Variants in KLRG1 observed in about 807,000 individuals in gnomAD.
The protein encoded by KLRG1 is killer cell lectin-like receptor subfamily G member 1.
In KLRG1, 16 loss-of-function variants were observed where a neutral mutation model predicts 21.8. That is an observed-to-expected ratio of 0.73 (90% CI 0.50 to 1.11). The LOEUF (loss-of-function observed/expected upper bound fraction) is 1.11. Among genes scored for constraint, KLRG1 ranks in the 50% most tolerant of loss-of-function variants. The pLI is 0.00. For missense variants in KLRG1, 173 were observed against 218.3 expected, an observed-to-expected ratio of 0.79 and a Z score of 1.31; for synonymous variants, 69 against 75.9, an observed-to-expected ratio of 0.91 and a Z score of 0.47.
the KLRG1 span, among the ~76,000 whole-genome samples, chr12:9,155,183 T>C: frequency 1.3e-5 from 2 of 152,228 alleles, no homozygotes; most frequent in African/African-American, 4.8e-5. Context: ...GACTAGAATA[T>C]AAAACTTAAC....
At chr12:9,047,257 T>C in the KLRG1 span, among the ~76,000 whole-genome samples, 1 of 152,198 alleles carries the variant, frequency 6.6e-6, no homozygotes, top group Non-Finnish European at 1.5e-5. Context: ...ATGTGAAAGG[T>C]GTGACAGGAA....
At chr12:9,109,465 T>A in the KLRG1 span, 1 of 1,328,882 alleles carries the variant, frequency 7.5e-7, no homozygotes, top group Non-Finnish European at 1.1e-6. Context: ...GAATTCCTAT[T>A]TTCAGGTTCC....
the KLRG1 span, among the ~76,000 whole-genome samples, chr12:9,138,701 T>C: frequency 9.3e-4 from 142 of 152,240 alleles, no homozygotes; most frequent in African/African-American, 3.2e-3. Flanking sequence ...GTTCAAACTT[T>C]CTTGATTTTT....
chr12:9,052,461 A>G, the KLRG1 span, among the ~76,000 whole-genome samples: 1 of 152,228 alleles, frequency 6.6e-6, no homozygotes, highest in African/African-American at 2.4e-5. Flanking sequence ...GCTGATGCCA[A>G]CAGGTCTCAG....
chr12:9,133,803 A>G, the KLRG1 span, among the ~76,000 whole-genome samples: 7 of 152,328 alleles, frequency 4.6e-5, no homozygotes, highest in African/African-American at 1.4e-4. Flanking sequence ...CGGTGAAAAT[A>G]GCAATCTGGG....
the KLRG1 span, chr12:9,089,119 T>C: frequency 9.0e-7 from 1 of 1,106,318 alleles, no homozygotes; most frequent in Non-Finnish European, 1.3e-6. Context: ...ACAGAGAAAG[T>C]GTAGGAATAA....
chr12:9,050,789 G>A, the KLRG1 span, among the ~76,000 whole-genome samples: 1 of 152,222 alleles, frequency 6.6e-6, no homozygotes, highest in African/African-American at 2.4e-5. Context: ...CCTGGCGCAG[G>A]ACCTGGGCAT....
the KLRG1 span, chr12:9,080,076 T>C: frequency 5.9e-6 from 9 of 1,537,222 alleles, no homozygotes; most frequent in Admixed American, 1.9e-5. Context: ...CCGGATCCAC[T>C]AGGGGCTGGA....
At chr12:9,169,485 C>T in the KLRG1 span, 131 of 1,612,478 alleles carry the variant, frequency 8.1e-5, no homozygotes, top group East Asian at 2.6e-3. Context: ...ATAGATGGCT[C>T]CATTATGAAT....
At chr12:9,090,108 CT>C in the KLRG1 span, 1 of 1,532,934 alleles carries the variant, frequency 6.5e-7, no homozygotes, top group South Asian at 1.3e-5. Context: ...GTTCAATGCT[CT>C]GTAAACTTTT....
the KLRG1 span, chr12:9,202,222 T>C: frequency 1.5e-5 from 17 of 1,121,710 alleles, no homozygotes; most frequent in Admixed American, 3.4e-4. Context: ...AAAACAAGTG[T>C]CTTTCATCCT....
Position 8,992,244 on chromosome 12 carries a change from A to G in KLRG1, c.121A>G (p.Ile41Val). 1 of 1,613,858 alleles carries G rather than the reference A, an allele frequency of 6.2e-7. No homozygotes were observed. The highest frequency in any genetic ancestry group is 8.5e-7 in the Non-Finnish European group (1 of 1,179,888). Residue 41 changes from isoleucine (I) to valine (V), a missense_variant, in exon 2 of 5, where the codon ATA becomes GTA. Transcript: ENST00000356986. ...SRPSCSCLVA[I>V]ALGLLTAVLL... is the part of the protein sequence containing the mutation. ...GCCTTCTTGTTCTTGCCTTGTGGCA[A>G]TAGCTTTGGGGCTTCTGACTGCAGT...
the KLRG1 span, among the ~76,000 whole-genome samples, chr12:9,053,033 C>G: frequency 6.6e-6 from 1 of 152,174 alleles, no homozygotes; most frequent in African/African-American, 2.4e-5. Flanking sequence ...GTTGATGAGA[C>G]AATGGCCAGG....
chr12:9,027,631 C>T, the KLRG1 span: 1 of 882,726 alleles, frequency 1.1e-6, no homozygotes, highest in Non-Finnish European at 1.9e-6. Flanking sequence ...CCACAGGGGC[C>T]AGAGCTTCTG....
chr12:9,011,163 A>G (rs768447837), downstream of KLRG1, among the ~76,000 whole-genome samples: 20 of 152,230 alleles, frequency 1.3e-4, no homozygotes, highest in Non-Finnish European at 2.2e-4. Flanking sequence ...GGATGTGTGC[A>G]GACCTCCTCT....
chr12:9,156,061 G>C, the KLRG1 span: 2 of 214,986 alleles, frequency 9.3e-6, no homozygotes, highest in South Asian at 1.8e-4. Context: ...TCTGAGATTA[G>C]AAAGAGTGTG....
At chr12:9,150,823 G>C in the KLRG1 span, 1 of 915,084 alleles carries the variant, frequency 1.1e-6, no homozygotes, top group South Asian at 1.4e-5. Context: ...TATTCTTATT[G>C]TTCTTTGACT....
chr12:9,028,634 G>T, the KLRG1 span: 1 of 379,032 alleles, frequency 2.6e-6, no homozygotes, highest in Non-Finnish European at 5.1e-6. Context: ...AGTAGAGACG[G>T]GATTTCACCA....
upstream of KLRG1, among the ~76,000 whole-genome samples, chr12:8,988,842 A>G (rs1443326647): frequency 6.6e-6 from 1 of 152,124 alleles, no homozygotes; most frequent in East Asian, 1.9e-4. Context: ...TTGGCCTCCC[A>G]AAGTGCTGGG....
Sources: allele counts gnomAD v4.1 joint callset (sites outside exome capture counted in the v4.1 genomes callset), GRCh38; gene constraint gnomAD v4.1.1; transcripts MANE v1.5; gene names NCBI Gene and HGNC (gene_info 2026-07-23, HGNC 2026-07-21).